SLC7A8: variants seen among roughly 807,000 people sequenced by gnomAD.
SLC7A8 encodes solute carrier family 7 member 8, also known as large neutral amino acids transporter small subunit 2.
A neutral mutation model predicts 51.2 loss-of-function variants in SLC7A8; 30 were observed. The ratio of observed to expected loss-of-function variants is 0.59; its 90% CI spans 0.44 to 0.80. The LOEUF (loss-of-function observed/expected upper bound fraction) is 0.80, where lower values mean the gene tolerates loss of function less well. Ranked by LOEUF, SLC7A8 falls within the 30% of genes least tolerant of loss-of-function variation. The pLI, the probability that SLC7A8 is intolerant of heterozygous loss-of-function variation, is 0.00. For synonymous variants in SLC7A8, 257 were observed against 275.8 expected, an observed-to-expected ratio of 0.93 and a Z score of 0.67; for missense variants, 612 against 674.4, an observed-to-expected ratio of 0.91 and a Z score of 1.03.
chr14:23,136,880 G>A (rs948256220), intron 7 of SLC7A8, among the ~76,000 whole-genome samples: 1 of 152,216 alleles, frequency 6.6e-6, no homozygotes, highest in African/African-American at 2.4e-5. Context: ...ACATGCACAC[G>A]AGGTTGCTGT....
At chr14:23,178,885 CAAAAAA>C (rs386380884) in intron 1 of SLC7A8, among the ~76,000 whole-genome samples, 2 of 78,756 alleles carry the variant, frequency 2.5e-5, no homozygotes, top group African/African-American at 5.3e-5. Flanking sequence ...ATCTTGTCTC[CAAAAAA>C]AAAAAAAAAA....
At chr14:23,143,330 G>T in intron 3 of SLC7A8, 126 bp from the exon 4 acceptor site, 1 of 1,341,428 alleles carries the variant, frequency 7.5e-7, no homozygotes, top group South Asian at 1.4e-5. Flanking sequence ...CAGACATCCA[G>T]CAAGCTCAAC....
chr14:23,128,213 T>C lies in SLC7A8; in HGVS notation c.1264-17A>G. ...CAGGTTGATCTGTGGAGCAGAGGCATGAGGCGTATGAACTGTGTAGGCCAC... is the reference window on the plus strand; with the variant it reads ...CAGGTTGATCTGTGGAGCAGAGGCACGAGGCGTATGAACTGTGTAGGCCAC... On this transcript the variant is annotated splice_polypyrimidine_tract_variant and intron_variant, in intron 9 of 10. Coordinates refer to ENST00000316902, the MANE Select transcript of SLC7A8 (RefSeq NM_012244.4). This position sits in a 1 kb window ranked among gnomAD's most constrained non-coding sequence, Gnocchi z 4.3. The C allele has an allele frequency of 6.2e-7, 1 of 1,613,612 alleles. No homozygotes were observed. Among genetic ancestry groups the C allele is most frequent in the Non-Finnish European group, 8.5e-7 (1 of 1,179,812 alleles).
Position 23,165,251 on chromosome 14 carries a change from G to A in SLC7A8, c.508+34C>T, listed in dbSNP as rs373939566. The A allele has an allele frequency of 1.5e-4, 230 of 1,569,126 alleles. No homozygotes were observed. The highest frequency in any genetic ancestry group is 1.9e-4 in the Non-Finnish European group (224 of 1,160,268). ...AATAATAATAAATATAATAAAAGAG[G>A]CTGTCTTGCTACCAAGACCCAGATG... is the stretch of plus-strand genomic sequence containing the variant. On this transcript the variant is annotated intron_variant, in intron 3 of 10. Transcript: ENST00000316902. The surrounding 1 kb of genome is among the most constrained non-coding windows in gnomAD (Gnocchi z 4.2).
At chr14:23,140,664 G>A in intron 4 of SLC7A8, 40 bp from the exon 5 acceptor site, 1 of 1,587,764 alleles carries the variant, frequency 6.3e-7, no homozygotes, top group Non-Finnish European at 8.6e-7. Context: ...AGTGAGACAA[G>A]TCAGGGGCCC....
intron 1 of SLC7A8, among the ~76,000 whole-genome samples, chr14:23,179,620 C>T (rs117909153): frequency 0.031 from 4,661 of 151,692 alleles, 99 homozygotes; most frequent in Non-Finnish European, 0.044. Context: ...CCAGCCTGGG[C>T]GATACAGTGA....
chr14:23,126,040 C>T lies in SLC7A8; in HGVS notation c.*1137G>A, dbSNP rs191657769. ...GAAAGGAACTGGGCTTCAGCCAATG[C>T]TCTCCTCAGTCTCCCAGGGTATGGA... On this transcript the variant is annotated 3_prime_UTR_variant, in exon 11 of 11. Coordinates refer to ENST00000316902, the MANE Select transcript of SLC7A8 (RefSeq NM_012244.4). 338 of 152,984 alleles carry T rather than the reference C, an allele frequency of 2.2e-3. 2 individuals are homozygous for T. Among genetic ancestry groups the T allele is most frequent in the Non-Finnish European group, 3.1e-3 (213 of 68,228 alleles). 9.5% of individuals were successfully genotyped at this position (152,984 alleles called of 1,614,324 possible).
At position 23,154,147 on chromosome 14, in the gene SLC7A8, C is replaced by G. The variant is rs1019544446; in HGVS notation, c.509-10943G>C. The G allele has an allele frequency of 7.5e-6, 5 of 669,866 alleles. No homozygotes were observed. The Middle Eastern group carries it at 2.2e-3, about 296-fold the overall frequency. The allele number at this position is 669,866 out of a possible 1,614,324, so 41.5% of individuals were successfully genotyped here. Reference sequence around the variant, plus strand: ...GTAGAAATCAGAACGCCCTGTTCCTCTCCAAACCTGCAAAACAGGCACCTT... The same window carrying G: ...GTAGAAATCAGAACGCCCTGTTCCTGTCCAAACCTGCAAAACAGGCACCTT... On this transcript the variant is annotated intron_variant, in intron 3 of 10. Transcript: ENST00000316902.
Position 23,165,216 on chromosome 14 carries a change from T to G in SLC7A8, c.508+69A>C, listed in dbSNP as rs1371309909. The G allele has an allele frequency of 7.1e-7, 1 of 1,410,894 alleles. No individual in the cohort carries two copies. The highest frequency in any genetic ancestry group is 1.5e-5 in the African/African-American group (1 of 67,030). The allele number at this position is 1,410,894 out of a possible 1,614,324, so 87.4% of individuals were successfully genotyped here. A position where few individuals can be genotyped will look rare whatever the true frequency, so the allele number is the denominator to read the frequency against. ...CTGAGTGACAGAGTGAAGACTCTGTTTCTAAAAATAATAATAATAAATATA... is the reference window on the plus strand; with the variant it reads ...CTGAGTGACAGAGTGAAGACTCTGTGTCTAAAAATAATAATAATAAATATA... On this transcript the variant is annotated intron_variant, in intron 3 of 10. Coordinates refer to ENST00000316902, the MANE Select transcript of SLC7A8 (RefSeq NM_012244.4). This position sits in a 1 kb window ranked among gnomAD's most constrained non-coding sequence, Gnocchi z 4.2.
At chr14:23,168,770 A>G (rs980885328) in intron 1 of SLC7A8, among the ~76,000 whole-genome samples, 2 of 152,236 alleles carry the variant, frequency 1.3e-5, no homozygotes, top group Admixed American at 6.5e-5. Context: ...CGTAGAAAAC[A>G]AACACTGCAG....
chr14:23,173,596 T>C (rs2048985393), intron 1 of SLC7A8, among the ~76,000 whole-genome samples: 1 of 152,210 alleles, frequency 6.6e-6, no homozygotes, highest in Non-Finnish European at 1.5e-5. Context: ...AAATATTCAT[T>C]TCTTTCTCTC....
chr14:23,166,618 C>A, intron 1 of SLC7A8, 78 bp from the exon 2 acceptor site: 1 of 1,458,118 alleles, frequency 6.9e-7, no homozygotes, highest in South Asian at 1.1e-5. Context: ...GGAGGGTGGT[C>A]TCATTTCTGA....
At position 23,127,948 on chromosome 14, in the gene SLC7A8, C is replaced by A. The variant is rs181074488; in HGVS notation, c.1441+71G>T. ...AGATCTCCTGGCCCTGGTGGCTCCC[C>A]AACCCCATCACTGACCACTGCATTC... On this transcript the variant is annotated intron_variant, in intron 10 of 10. Transcript: ENST00000316902. The A allele has an allele frequency of 1.0e-3, 1,453 of 1,440,712 alleles. 14 individuals carry two copies. In the African/African-American group the frequency reaches 0.017, roughly 17 times the overall value. 89.2% of individuals were successfully genotyped at this position (1,440,712 alleles called of 1,614,324 possible). A position where few individuals can be genotyped will look rare whatever the true frequency, so the allele number is the denominator to read the frequency against.
At chr14:23,179,353 C>T (rs1050218296) in intron 1 of SLC7A8, among the ~76,000 whole-genome samples, 1 of 152,128 alleles carries the variant, frequency 6.6e-6, no homozygotes, top group African/African-American at 2.4e-5. Flanking sequence ...TTGTATATTT[C>T]CATAACACCT....
intron 3 of SLC7A8, among the ~76,000 whole-genome samples, chr14:23,148,705 G>C (rs2048820254): frequency 1.3e-5 from 2 of 152,248 alleles, no homozygotes; most frequent in Non-Finnish European, 2.9e-5. Context: ...TGGCTTTGAA[G>C]ATGAAAGATG....
intron 4 of SLC7A8, 116 bp downstream of exon 4, chr14:23,142,963 A>C: frequency 2.2e-6 from 3 of 1,339,576 alleles, no homozygotes; most frequent in Non-Finnish European, 3.1e-6. Context: ...GAAGTCACTC[A>C]AGGCTAGAAT....
chr14:23,167,746 A>G (rs186634974), intron 1 of SLC7A8, among the ~76,000 whole-genome samples: 1 of 152,282 alleles, frequency 6.6e-6, no homozygotes, highest in East Asian at 1.9e-4. Flanking sequence ...AGCAGAGACC[A>G]AATGGATCCA....
In SLC7A8 at chr14:23,126,784, C is replaced by A. The variant is rs904847192; in HGVS notation, c.*393G>T. The A allele has an allele frequency of 3.2e-5, 8 of 249,286 alleles. No individual in the cohort carries two copies. The highest frequency in any genetic ancestry group is 1.1e-4 in the African/African-American group (5 of 44,984). 15.4% of individuals were successfully genotyped at this position (249,286 alleles called of 1,614,324 possible). On this transcript the variant is annotated 3_prime_UTR_variant, in exon 11 of 11. Transcript: ENST00000316902. ...ACAGAATTGCTTGAGCCTGTCCCCC[C>A]ACAATGCAGCTCCTGTGGCCTCTCC...
chr14:23,158,501 A>T (rs1047702806), intron 3 of SLC7A8, among the ~76,000 whole-genome samples: 3 of 151,878 alleles, frequency 2.0e-5, no homozygotes, highest in Admixed American at 1.3e-4. Flanking sequence ...CCCCGCCACC[A>T]CGCCCAGCTA....
Sources: allele counts gnomAD v4.1 joint callset (sites outside exome capture counted in the v4.1 genomes callset), GRCh38; gene constraint gnomAD v4.1.1; non-coding constraint Gnocchi (gnomAD v3.1); transcripts MANE v1.5; gene names NCBI Gene and HGNC (gene_info 2026-07-23, HGNC 2026-07-21).